The following SANBR variants were observed in gnomAD, a reference collection of about 807,000 sequenced individuals.
SANBR encodes the protein SANT and BTB domain regulator of class switch recombination.
A neutral mutation model predicts 101.8 loss-of-function variants in SANBR; 77 were observed. That is an observed-to-expected ratio of 0.76 (90% CI 0.63 to 0.91). The LOEUF (loss-of-function observed/expected upper bound fraction) is 0.91, where lower values mean the gene tolerates loss of function less well. SANBR is among the 40% of genes least tolerant of loss of function. SANBR has a pLI of 0.00. For missense variants in SANBR, 875 were observed against 853.0 expected (o/e 1.03, Z -0.32); for synonymous variants, 279 against 274.7 (o/e 1.02, Z -0.15).
chr2:61,108,386 T>C, intron 15 of SANBR, 37 bp downstream of exon 15: 2 of 1,413,224 alleles, frequency 1.4e-6, no homozygotes, highest in African/African-American at 1.5e-5. Context: ...CATGGATCTC[T>C]TTCTTCCTAA....
Position 61,103,869 on chromosome 2 carries a change from A to T in SANBR, c.1382A>T (p.Asp461Val). The T allele has an allele frequency of 6.2e-7, 1 of 1,614,214 alleles. No homozygotes were observed. The highest frequency in any genetic ancestry group is 8.5e-7 in the Non-Finnish European group (1 of 1,180,020). ...TQLTKGCKVR[D>V]HMVTLRDQGE... ...ATGTGACAGGGCTGTAAAGTGAGGG[A>T]CCACATGGTTACACTTCGTGATCAA... Residue 461 changes from aspartate to valine, a missense_variant, in exon 13 of 22, where the codon GAC (aspartate) becomes GTC (valine). By Grantham distance (152) the Asp-to-Val change is radical (BLOSUM62 -3). Coordinates refer to ENST00000402291, the MANE Select transcript of SANBR (RefSeq NM_001129993.3).
chr2:61,094,941 G>A (rs754944259), intron 11 of SANBR, among the ~76,000 whole-genome samples: 8 of 152,084 alleles, frequency 5.3e-5, no homozygotes, highest in African/African-American at 1.2e-4. Flanking sequence ...CACTGCGCCC[G>A]GCCTCTCTTC....
At chr2:61,084,602 A>C (rs1342048780) in intron 8 of SANBR, among the ~76,000 whole-genome samples, 1 of 152,144 alleles carries the variant, frequency 6.6e-6, no homozygotes, top group Non-Finnish European at 1.5e-5. Flanking sequence ...TAAAGGGAAA[A>C]GTGGTATGAA....
At position 61,122,258 on chromosome 2, in the gene SANBR, T is replaced by G. The variant is rs1384995524; in HGVS notation, c.*96T>G. On this transcript the variant is annotated 3_prime_UTR_variant, in exon 22 of 22. Coordinates refer to ENST00000402291, the MANE Select transcript of SANBR (RefSeq NM_001129993.3). ...GATCTTCAGAACAATGACTTCCAAC[T>G]GTTTTATGTTATTATTATTTTAATC... is the stretch of plus-strand genomic sequence containing the variant. The G allele has an allele frequency of 7.0e-7, 1 of 1,419,378 alleles. No individual in the cohort carries two copies. Among genetic ancestry groups the G allele is most frequent in the Non-Finnish European group, 9.3e-7 (1 of 1,074,076 alleles). 87.9% of individuals were successfully genotyped at this position (1,419,378 alleles called of 1,614,324 possible).
intron 20 of SANBR, among the ~76,000 whole-genome samples, chr2:61,119,272 C>CT (rs1198962443): frequency 3.9e-5 from 6 of 152,130 alleles, no homozygotes; most frequent in African/African-American, 1.4e-4. Context: ...ATTTACTTCC[C>CT]TATAAAACTT....
intron 6 of SANBR, among the ~76,000 whole-genome samples, chr2:61,077,798 C>G (rs1681874312): frequency 6.6e-6 from 1 of 152,186 alleles, no homozygotes. Flanking sequence ...GGTAAATTAG[C>G]TGCTCTTTTA....
rs745980777 is a variant in SANBR, at chr2:61,086,865, CAGAG to C, written c.891-1291_891-1288del. ...AATTTAATCCTTAAGGGGAACAACA[CAGAG>C]AGGAATTATCCAAGAGCTAAATAAT... On this transcript the variant is annotated intron_variant, in intron 8 of 21. Coordinates refer to ENST00000402291, the MANE Select transcript of SANBR (RefSeq NM_001129993.3). 9.9e-5 allele frequency among the ~76,000 whole-genome samples: 15 copies of C among 151,908 alleles called. 2 individuals carry two copies. In the South Asian group the frequency reaches 1.5e-3, roughly 15 times the overall value.
intron 10 of SANBR, chr2:61,089,713 T>C (rs1463515276): frequency 6.6e-6 from 1 of 152,298 alleles, no homozygotes; most frequent in Non-Finnish European, 1.5e-5. Context: ...TACATATTTC[T>C]CTTTATGTTC....
intron 10 of SANBR, among the ~76,000 whole-genome samples, chr2:61,092,134 C>T (rs1413524734): frequency 5.3e-5 from 8 of 152,206 alleles, no homozygotes; most frequent in Non-Finnish European, 1.0e-4. Flanking sequence ...AATTTGTAAT[C>T]CTTTATCTAG....
intron 13 of SANBR, among the ~76,000 whole-genome samples, chr2:61,105,207 C>A (rs1056738137): frequency 6.6e-6 from 1 of 151,990 alleles, no homozygotes; most frequent in Non-Finnish European, 1.5e-5. Context: ...ATGGTGAAAC[C>A]CCGTCTGTAC....
chr2:61,092,677 T>A, intron 11 of SANBR, 90 bp downstream of exon 11: 1 of 1,073,574 alleles, frequency 9.3e-7, no homozygotes, highest in South Asian at 2.1e-5. Flanking sequence ...TGTTTAAATG[T>A]GTTTTGACAA....
At chr2:61,072,972 A>G (rs1681564102) in intron 4 of SANBR, among the ~76,000 whole-genome samples, 1 of 151,724 alleles carries the variant, frequency 6.6e-6, no homozygotes, top group African/African-American at 2.4e-5. Flanking sequence ...AACTACACGT[A>G]CATGCTACTG....
intron 11 of SANBR, among the ~76,000 whole-genome samples, chr2:61,094,959 T>C (rs1415554895): frequency 2.0e-5 from 3 of 152,210 alleles, no homozygotes; most frequent in South Asian, 4.1e-4. Flanking sequence ...TTCTTTCTTA[T>C]TACCTAGGAG....
At chr2:61,098,002 T>G in intron 12 of SANBR, 150 bp downstream of exon 12, 1 of 497,864 alleles carries the variant, frequency 2.0e-6, no homozygotes, top group East Asian at 3.4e-5. Context: ...TTCTTAGAGA[T>G]AATCACTGTT....
intron 11 of SANBR, among the ~76,000 whole-genome samples, chr2:61,093,788 C>A (rs780147112): frequency 5.9e-5 from 9 of 152,082 alleles, no homozygotes; most frequent in South Asian, 4.1e-4. Context: ...TTTGTTGTTA[C>A]AACAATTTTG....
chr2:61,082,573 G>A (rs36064706), intron 7 of SANBR, among the ~76,000 whole-genome samples: 18,115 of 152,228 alleles, frequency 0.12, 1,438 homozygotes, highest in Non-Finnish European at 0.17. Context: ...TGTAATCCTA[G>A]CACTTGGGAG....
At chr2:61,092,615 C>T (rs759985528) in intron 11 of SANBR, 28 bp downstream of exon 11, 1 of 1,529,148 alleles carries the variant, frequency 6.5e-7, no homozygotes, top group East Asian at 2.3e-5. Context: ...AAATATCCTG[C>T]TCTGCAAATA....
At chr2:61,119,905 T>C (rs1395345613) in intron 20 of SANBR, among the ~76,000 whole-genome samples, 1 of 152,110 alleles carries the variant, frequency 6.6e-6, no homozygotes, top group Admixed American at 6.6e-5. Flanking sequence ...GAAGTTGCAA[T>C]GAGCCAAGAG....
At chr2:61,079,825 G>A (rs752328319) in intron 6 of SANBR, among the ~76,000 whole-genome samples, 2 of 151,646 alleles carry the variant, frequency 1.3e-5, no homozygotes, top group Non-Finnish European at 2.9e-5. Context: ...TCTTGAACCC[G>A]GGAGGCAGAG....
Sources: allele counts gnomAD v4.1 joint callset (sites outside exome capture counted in the v4.1 genomes callset), GRCh38; gene constraint gnomAD v4.1.1; transcripts MANE v1.5; gene names NCBI Gene and HGNC (gene_info 2026-07-23, HGNC 2026-07-21).